COMMD1: variants seen among roughly 807,000 people sequenced by gnomAD.
The protein encoded by COMMD1 is copper metabolism domain containing 1.
Under a neutral mutation model 17.2 loss-of-function variants are expected in COMMD1, and 10 were observed. That is an observed-to-expected ratio of 0.58 (90% CI 0.36 to 0.99). The LOEUF is 0.99. Among genes scored for constraint, COMMD1 ranks in the 50% least tolerant of loss-of-function variants. The probability of loss-of-function intolerance (pLI) is 0.01; values close to 1 mark genes in which losing one functional copy is unlikely to be tolerated. For missense variants in COMMD1, 270 were observed against 231.8 expected (o/e 1.17, Z -1.07); for synonymous variants, 97 against 91.6 (o/e 1.06, Z -0.34).
intron 1 of COMMD1, among the ~76,000 whole-genome samples, chr2:61,930,422 G>A (rs1243356943): frequency 6.6e-6 from 1 of 152,126 alleles, no homozygotes; most frequent in Non-Finnish European, 1.5e-5. Flanking sequence ...CAGGCGTGGT[G>A]GCACGTGCCT....
At chr2:61,996,313 A>AAT (rs752360187) in intron 1 of COMMD1, among the ~76,000 whole-genome samples, 6,740 of 87,168 alleles carry the variant, frequency 0.077, 423 homozygotes, top group African/African-American at 0.24. Context: ...TTGTTTTCTA[A>AAT]ATGTGTGTGT....
intron 2 of COMMD1, among the ~76,000 whole-genome samples, chr2:62,114,432 T>C (rs774773158): frequency 6.6e-6 from 1 of 152,242 alleles, no homozygotes; most frequent in Non-Finnish European, 1.5e-5. Context: ...AAATGAAGTA[T>C]GAATGGCATC....
chr2:61,908,144 C>G (rs77885849), intron 1 of COMMD1, among the ~76,000 whole-genome samples: 2 of 151,822 alleles, frequency 1.3e-5, no homozygotes, highest in Admixed American at 1.3e-4. Context: ...GTCTGAGGAA[C>G]GAAGGGATAT....
intron 1 of COMMD1, among the ~76,000 whole-genome samples, chr2:61,972,953 G>A (rs940096532): frequency 6.6e-6 from 1 of 152,070 alleles, no homozygotes; most frequent in Admixed American, 6.6e-5. Context: ...TTACAGGTGT[G>A]AGCCTCCGCA....
intron 1 of COMMD1, among the ~76,000 whole-genome samples, chr2:61,992,759 A>G (rs1180480401): frequency 6.6e-6 from 1 of 152,076 alleles, no homozygotes; most frequent in Non-Finnish European, 1.5e-5. Flanking sequence ...GGGCAATACT[A>G]CCTGGTTGAG....
At chr2:62,042,527 G>A (rs1293810176) in intron 2 of COMMD1, among the ~76,000 whole-genome samples, 1 of 152,174 alleles carries the variant, frequency 6.6e-6, no homozygotes, top group Non-Finnish European at 1.5e-5. Flanking sequence ...GCCGTGCCGA[G>A]TGCAGGGCCC....
At chr2:61,924,606 G>C (rs954688350) in intron 1 of COMMD1, among the ~76,000 whole-genome samples, 2 of 152,128 alleles carry the variant, frequency 1.3e-5, no homozygotes, top group African/African-American at 2.4e-5. Context: ...GACTGACAGA[G>C]GGAAGGGCAG....
rs142328343 is a variant in COMMD1 at position 62,021,073 on chromosome 2, G to A, written c.462+20091G>A. 4.7e-3 allele frequency among the ~76,000 whole-genome samples: 720 copies of A among 152,140 alleles called. 8 individuals are homozygous for A. The highest frequency in any genetic ancestry group is 0.016 in the African/African-American group (649 of 41,500). ...GTCACACCTTTAAAATCTTTAGGAG[G>A]CCTTTTGTCTAATTGAATAGTACTC... On this transcript the variant is annotated intron_variant, in intron 2 of 2. Transcript: ENST00000311832.
At chr2:62,026,667 C>A (rs2103866532) in intron 2 of COMMD1, among the ~76,000 whole-genome samples, 1 of 152,236 alleles carries the variant, frequency 6.6e-6, no homozygotes, top group South Asian at 2.1e-4. Context: ...AGGGAGATGA[C>A]ATTGTCACAA....
At chr2:61,889,509 C>G (rs567958596) in intron 1 of COMMD1, among the ~76,000 whole-genome samples, 1 of 152,142 alleles carries the variant, frequency 6.6e-6, no homozygotes. Context: ...CCGCGCCCAC[C>G]CGGAGGTGCC....
At chr2:61,891,934 C>T (rs560261887) in intron 1 of COMMD1, among the ~76,000 whole-genome samples, 9 of 151,616 alleles carry the variant, frequency 5.9e-5, no homozygotes, top group Non-Finnish European at 1.2e-4. Flanking sequence ...CGGGTTCACG[C>T]CATTCTCCTG....
At chr2:62,065,679 C>T (rs1175237699) in intron 2 of COMMD1, among the ~76,000 whole-genome samples, 1 of 152,126 alleles carries the variant, frequency 6.6e-6, no homozygotes, top group Non-Finnish European at 1.5e-5. Context: ...ATTTCAAATG[C>T]TTTACCAGAA....
At chr2:62,132,665 C>T (rs1218126619) in intron 2 of COMMD1, among the ~76,000 whole-genome samples, 5 of 151,846 alleles carry the variant, frequency 3.3e-5, no homozygotes, top group East Asian at 1.9e-4. Flanking sequence ...GCCAACATGA[C>T]GACACCCTGT....
intron 2 of COMMD1, among the ~76,000 whole-genome samples, chr2:62,001,980 C>T (rs1278839023): frequency 1.3e-5 from 2 of 151,820 alleles, no homozygotes; most frequent in Admixed American, 6.6e-5. Context: ...CCAACCTGAC[C>T]AACAGAGACC....
At chr2:61,936,110 AG>A (rs1670600706) in intron 1 of COMMD1, among the ~76,000 whole-genome samples, 1 of 152,026 alleles carries the variant, frequency 6.6e-6, no homozygotes, top group Non-Finnish European at 1.5e-5. Flanking sequence ...GGCCCAGCCC[AG>A]TTTTTTTTGT....
intron 2 of COMMD1, among the ~76,000 whole-genome samples, chr2:62,028,413 T>C (rs899050190): frequency 2.0e-5 from 3 of 152,180 alleles, no homozygotes; most frequent in African/African-American, 7.2e-5. Context: ...AAAATAGTTT[T>C]TAATGCTTTA....
chr2:62,096,894 C>G (rs1168863854), intron 2 of COMMD1, among the ~76,000 whole-genome samples: 1 of 152,194 alleles, frequency 6.6e-6, no homozygotes, highest in Non-Finnish European at 1.5e-5. Context: ...AGAGTAGATT[C>G]ATTTGGAAAT....
At chr2:62,116,531 G>A (rs1023261272) in intron 2 of COMMD1, among the ~76,000 whole-genome samples, 1 of 151,968 alleles carries the variant, frequency 6.6e-6, no homozygotes, top group African/African-American at 2.4e-5. Context: ...AATTAGTCGG[G>A]CGTGGAGGCA....
intron 1 of COMMD1, among the ~76,000 whole-genome samples, chr2:61,955,639 TTGTG>T (rs1208039831): frequency 1.3e-5 from 2 of 152,052 alleles, no homozygotes; most frequent in African/African-American, 2.4e-5. Flanking sequence ...CATTTTGAGT[TTGTG>T]TGTGTGTGAA....
Sources: allele counts gnomAD v4.1 joint callset (sites outside exome capture counted in the v4.1 genomes callset), GRCh38; gene constraint gnomAD v4.1.1; transcripts MANE v1.5; gene names NCBI Gene and HGNC (gene_info 2026-07-23, HGNC 2026-07-21).